The following KANSL2 variants were observed in gnomAD, a reference collection of about 807,000 sequenced individuals.
KANSL2 encodes the protein KAT8 regulatory NSL complex subunit 2.
Under a neutral mutation model 55.6 loss-of-function variants are expected in KANSL2, and 34 were observed. That is an observed-to-expected ratio of 0.61 (90% CI 0.46 to 0.81). KANSL2 has a LOEUF of 0.81. Ranked by LOEUF, KANSL2 falls within the 40% of genes least tolerant of loss-of-function variation. The pLI is 0.00. For synonymous variants in KANSL2, 209 were observed against 214.3 expected (o/e 0.98, Z 0.22); for missense variants, 502 against 609.9 (o/e 0.82, Z 1.86).
chr12:48,663,626 A>T (rs1439112163), intron 7 of KANSL2, among the ~76,000 whole-genome samples: 1 of 152,168 alleles, frequency 6.6e-6, no homozygotes, highest in East Asian at 1.9e-4. Flanking sequence ...TTTAATAAAC[A>T]GTAAATATAT....
chr12:48,655,761 A>C (rs1159153445), intron 8 of KANSL2, among the ~76,000 whole-genome samples: 1 of 152,132 alleles, frequency 6.6e-6, no homozygotes, highest in Non-Finnish European at 1.5e-5. Flanking sequence ...AACACCACTG[A>C]CTTGTACACT....
Position 48,660,401 on chromosome 12 carries a change from G to A in KANSL2, c.1192C>T (p.Gln398Ter). 6.2e-7 allele frequency: 1 copy of A among 1,613,968 alleles called. No individual in the cohort carries two copies. Among genetic ancestry groups the A allele is most frequent in the Non-Finnish European group, 8.5e-7 (1 of 1,179,872 alleles). Reference protein sequence around the residue: ...MDLYLSAAELQPTESLPLEFS... With the variant: ...MDLYLSAAEL ...TCCAGAGGTAAACTCTCAGTGGGCT[G>A]AAGCTCAGCAGCACTCAAGTACAGA... Residue 398 changes from glutamine (Q) to a stop codon, truncating the protein, a stop_gained, in exon 8 of 10, where the codon CAG (glutamine) becomes TAG (stop). Coordinates refer to ENST00000420613, the MANE Select transcript of KANSL2 (RefSeq NM_017822.4). LOFTEE classifies it high-confidence loss of function.
At chr12:48,680,692 A>G (rs1370542022) in intron 2 of KANSL2, among the ~76,000 whole-genome samples, 1 of 151,952 alleles carries the variant, frequency 6.6e-6, no homozygotes, top group Non-Finnish European at 1.5e-5. Flanking sequence ...GAAGAATTTT[A>G]GGGGCCAGGT....
chr12:48,677,495 A>C (rs540497071), intron 4 of KANSL2, among the ~76,000 whole-genome samples: 1 of 152,140 alleles, frequency 6.6e-6, no homozygotes. Context: ...AAAAAAAAGG[A>C]ATGAAGCTGG....
intron 3 of KANSL2, 72 bp from the exon 4 acceptor site, chr12:48,679,222 C>A: frequency 3.1e-6 from 3 of 958,316 alleles, no homozygotes; most frequent in Non-Finnish European, 5.0e-6. Flanking sequence ...AACTAGATTA[C>A]TTTTATCAAC....
intron 4 of KANSL2, among the ~76,000 whole-genome samples, chr12:48,678,352 A>G (rs572912261): frequency 6.6e-6 from 1 of 152,316 alleles, no homozygotes; most frequent in African/African-American, 2.4e-5. Flanking sequence ...GAAGCTTACT[A>G]AGATATAAAC....
chr12:48,682,104 G>A (rs866837592), intron 1 of KANSL2, 83 bp downstream of exon 1: 3 of 702,886 alleles, frequency 4.3e-6, no homozygotes, highest in Non-Finnish European at 7.8e-6. Flanking sequence ...GCTTTGAGGC[G>A]GAGTAGCAGC....
At chr12:48,664,167 A>G (rs565212959) in intron 7 of KANSL2, among the ~76,000 whole-genome samples, 3 of 151,900 alleles carry the variant, frequency 2.0e-5, no homozygotes, top group Non-Finnish European at 2.9e-5. Context: ...CACCCACCTC[A>G]GCCTCCCAAA....
chr12:48,672,576 G>A (rs765783593), intron 4 of KANSL2, among the ~76,000 whole-genome samples: 7 of 150,976 alleles, frequency 4.6e-5, no homozygotes, highest in Non-Finnish European at 1.0e-4. Flanking sequence ...GACTACAGGT[G>A]TGCACCACCC....
intron 5 of KANSL2, among the ~76,000 whole-genome samples, chr12:48,671,497 T>C (rs549098996): frequency 3.0e-4 from 46 of 152,292 alleles, no homozygotes; most frequent in South Asian, 2.1e-3. Context: ...AAGTGCCCAT[T>C]TTTAAAATCT....
intron 5 of KANSL2, among the ~76,000 whole-genome samples, chr12:48,670,311 T>C (rs1444534061): frequency 6.6e-6 from 1 of 151,910 alleles, no homozygotes; most frequent in Non-Finnish European, 1.5e-5. Flanking sequence ...TAGAATGTAC[T>C]CCACTCTATT....
chr12:48,657,398 C>T (rs1291723328), intron 8 of KANSL2, among the ~76,000 whole-genome samples: 1 of 152,068 alleles, frequency 6.6e-6, no homozygotes, highest in Non-Finnish European at 1.5e-5. Flanking sequence ...GCACTCCAGT[C>T]TGGGCAACAG....
At chr12:48,672,813 C>T (rs2137197377) in intron 4 of KANSL2, among the ~76,000 whole-genome samples, 1 of 152,062 alleles carries the variant, frequency 6.6e-6, no homozygotes, top group Middle Eastern at 3.4e-3. Context: ...GGCTGGAGTG[C>T]AGTGGCACAA....
At position 48,656,281 on chromosome 12, in the gene KANSL2, T is replaced by TG. The variant is rs533676653; in HGVS notation, c.1228-1222_1228-1221insC. Among the ~76,000 whole-genome samples, 230 of 151,060 alleles carry TG rather than the reference T, an allele frequency of 1.5e-3. 5 individuals carry two copies. In the Middle Eastern group the frequency reaches 0.02, roughly 13 times the overall value. On this transcript the variant is annotated intron_variant, in intron 8 of 9. Transcript: ENST00000420613. ...CAACCTGGTTTTTTTTGTTTTGTTTTTTTTTTTTTTGAGACAGAGTCTCGC... is the reference window on the plus strand; with the variant it reads ...CAACCTGGTTTTTTTTGTTTTGTTTTGTTTTTTTTTTGAGACAGAGTCTCGC...
chr12:48,671,850 C>G lies in KANSL2; in HGVS notation c.658G>C (p.Glu220Gln). ...QFKRLQHLLK[E>Q]KKRRYLHNRK... is the part of the protein sequence containing the mutation. ...TTATGTAAGTATCGGCGCTTCTTCT[C>G]CTTGAGCAGATGCTGAAGTCGTTTA... Residue 220 changes from glutamate (E) to glutamine (Q), a missense_variant, in exon 5 of 10, where the codon GAG becomes CAG. Coordinates refer to ENST00000420613, the MANE Select transcript of KANSL2 (RefSeq NM_017822.4). 1 of 1,613,406 alleles carries G rather than the reference C, an allele frequency of 6.2e-7. No individual in the cohort carries two copies. The highest frequency in any genetic ancestry group is 8.5e-7 in the Non-Finnish European group (1 of 1,179,564).
intron 8 of KANSL2, among the ~76,000 whole-genome samples, chr12:48,655,585 C>A (rs7484753): frequency 1.4e-5 from 2 of 148,020 alleles, no homozygotes; most frequent in Non-Finnish European, 3.0e-5. Context: ...AAAAAAAATT[C>A]TAGGAAAATT....
At chr12:48,662,603 A>G in intron 7 of KANSL2, 1 of 1,288,164 alleles carries the variant, frequency 7.8e-7, no homozygotes, top group Non-Finnish European at 1.0e-6. Flanking sequence ...TGCTGTCTCC[A>G]TTAGACCACA....
Position 48,654,139 on chromosome 12 carries a change from G to A in KANSL2, c.1384C>T (p.Gln462Ter). The A allele has an allele frequency of 6.2e-7, 1 of 1,613,058 alleles. No homozygotes were observed. Among genetic ancestry groups the A allele is most frequent in the Non-Finnish European group, 8.5e-7 (1 of 1,179,506 alleles). ...GCTTTCTCAGAATTTCGAGATCCCT[G>A]GGATCTGCACCCATCTCCAGCCATC... Reference protein sequence around the residue: ...MQMAGDGCRSQGSRNSEKASA... With the variant: ...MQMAGDGCRS Residue 462 changes from glutamine to a stop codon, truncating the protein, a stop_gained, in exon 10 of 10, where the codon CAG (glutamine) becomes TAG (stop). Transcript: ENST00000420613. LOFTEE classifies it high-confidence loss of function.
intron 9 of KANSL2, chr12:48,654,566 T>C (rs556111045): frequency 1.2e-5 from 7 of 594,036 alleles, no homozygotes; most frequent in Non-Finnish European, 2.0e-5. Flanking sequence ...CACATTACTT[T>C]ACTGGTCCTT....
Sources: allele counts gnomAD v4.1 joint callset (sites outside exome capture counted in the v4.1 genomes callset), GRCh38; gene constraint gnomAD v4.1.1; transcripts MANE v1.5; gene names NCBI Gene and HGNC (gene_info 2026-07-23, HGNC 2026-07-21).